Variants in PARD3B observed in about 807,000 individuals in gnomAD.
The protein encoded by PARD3B is partitioning defective 3 homolog B.
A neutral mutation model predicts 130.2 loss-of-function variants in PARD3B; 103 were observed. The observed-to-expected ratio is 0.79, with a 90% confidence interval of 0.67 to 0.93. The LOEUF (loss-of-function observed/expected upper bound fraction) is 0.93, where lower values mean the gene tolerates loss of function less well. Ranked by LOEUF, PARD3B falls within the 40% of genes least tolerant of loss-of-function variation. The probability of loss-of-function intolerance (pLI) is 0.00; values close to 1 mark genes in which losing one functional copy is unlikely to be tolerated. For missense variants in PARD3B, 1,609 were observed against 1,499.2 expected (o/e 1.07, Z -1.21); for synonymous variants, 583 against 553.2 (o/e 1.05, Z -0.76).
chr2:204,645,454 A>G (rs1431633217), intron 1 of PARD3B, among the ~76,000 whole-genome samples: 1 of 152,160 alleles, frequency 6.6e-6, no homozygotes, highest in Non-Finnish European at 1.5e-5. Context: ...ATGTGAAGAA[A>G]AAAATTTTGT....
At chr2:204,905,379 C>A (rs1049795847) in intron 2 of PARD3B, among the ~76,000 whole-genome samples, 1 of 152,160 alleles carries the variant, frequency 6.6e-6, no homozygotes, top group Non-Finnish European at 1.5e-5. Context: ...CACCCCTTCC[C>A]TGGTCTCCAG....
chr2:205,610,819 C>A, intron 22 of PARD3B, among the ~76,000 whole-genome samples: 1 of 152,134 alleles, frequency 6.6e-6, no homozygotes, highest in South Asian at 2.1e-4. Flanking sequence ...TCACCTCAAC[C>A]ACCATCAATC....
chr2:205,225,269 G>T (rs2038481057), intron 15 of PARD3B, among the ~76,000 whole-genome samples: 1 of 152,138 alleles, frequency 6.6e-6, no homozygotes, highest in African/African-American at 2.4e-5. Flanking sequence ...GCCAGCATTT[G>T]TTATTGCCTG....
intron 1 of PARD3B, among the ~76,000 whole-genome samples, chr2:204,643,326 A>G (rs1356571777): frequency 1.3e-5 from 2 of 151,764 alleles, no homozygotes; most frequent in African/African-American, 4.8e-5. Context: ...ATACAGCATA[A>G]TTACATCCTA....
At chr2:204,711,131 T>C (rs1200346334) in intron 2 of PARD3B, among the ~76,000 whole-genome samples, 1 of 152,228 alleles carries the variant, frequency 6.6e-6, no homozygotes, top group African/African-American at 2.4e-5. Context: ...CCTTTAAGAC[T>C]AAAAATTAAA....
chr2:205,117,916 T>TACACACACACACACACACATAC (rs1553617409), intron 6 of PARD3B, among the ~76,000 whole-genome samples: 64 of 20,430 alleles, frequency 3.1e-3, no homozygotes, highest in South Asian at 6.4e-3. Flanking sequence ...TGTATGTGTG[T>TACACACACACACACACACATAC]ACACACACAC....
intron 10 of PARD3B, among the ~76,000 whole-genome samples, chr2:205,132,839 T>G (rs1425197016): frequency 6.6e-6 from 1 of 152,180 alleles, no homozygotes; most frequent in Non-Finnish European, 1.5e-5. Context: ...GTGCAGCTGT[T>G]GACGCACAGT....
At chr2:204,921,583 G>T (rs1308335504) in intron 2 of PARD3B, among the ~76,000 whole-genome samples, 2 of 152,116 alleles carry the variant, frequency 1.3e-5, no homozygotes, top group Non-Finnish European at 2.9e-5. Flanking sequence ...ACAGGAGAGG[G>T]TGGTGTTTAT....
chr2:204,978,693 G>A (rs1194932099), intron 3 of PARD3B, among the ~76,000 whole-genome samples: 1 of 152,146 alleles, frequency 6.6e-6, no homozygotes, highest in Non-Finnish European at 1.5e-5. Flanking sequence ...TGTGCATGGT[G>A]TCTCATGCCT....
rs545513138 is a variant in PARD3B at position 205,595,141 on chromosome 2, C to T, written c.3261-20315C>T. ...AAGGGTATTTTCATGAAGTGCCTCG[C>T]ACAATTCAAGCCCAGTCTTCACCTC... On this transcript the variant is annotated intron_variant, in intron 22 of 22. Transcript: ENST00000406610. 4.6e-5 allele frequency among the ~76,000 whole-genome samples: 4 copies of T among 86,902 alleles called. No individual in the cohort carries two copies. In the Admixed American group the frequency reaches 5.5e-4, roughly 12 times the overall value. 57.0% of individuals were successfully genotyped at this position (86,902 alleles called of 152,430 possible). A position where few individuals can be genotyped will look rare whatever the true frequency, so the allele number is the denominator to read the frequency against.
intron 3 of PARD3B, among the ~76,000 whole-genome samples, chr2:205,013,187 C>G (rs993430788): frequency 3.3e-5 from 5 of 152,146 alleles, no homozygotes; most frequent in Admixed American, 3.3e-4. Flanking sequence ...TGAGACTTCC[C>G]CACGCAGGCA....
At chr2:204,929,623 A>AT (rs966912204) in intron 2 of PARD3B, among the ~76,000 whole-genome samples, 90 of 148,598 alleles carry the variant, frequency 6.1e-4, no homozygotes, top group Middle Eastern at 3.5e-3. Context: ...AAATTGAATA[A>AT]TTTTTTTTTT....
chr2:205,022,354 C>A (rs1036498430), intron 3 of PARD3B, among the ~76,000 whole-genome samples: 2 of 152,272 alleles, frequency 1.3e-5, no homozygotes, highest in East Asian at 3.9e-4. Context: ...AATTTTCTTA[C>A]AAATGATCTT....
At chr2:205,398,719 C>T (rs1574918948) in intron 18 of PARD3B, among the ~76,000 whole-genome samples, 2 of 152,176 alleles carry the variant, frequency 1.3e-5, no homozygotes, top group African/African-American at 2.4e-5. Flanking sequence ...AGAGCTCCGA[C>T]TTGACTAACA....
intron 2 of PARD3B, among the ~76,000 whole-genome samples, chr2:204,836,369 T>TA (rs1231397365): frequency 1.3e-5 from 2 of 152,146 alleles, no homozygotes; most frequent in African/African-American, 4.8e-5. Flanking sequence ...TTTCTAAAAG[T>TA]ACCTTTAAAT....
At chr2:205,083,152 C>T (rs1039052646) in intron 4 of PARD3B, among the ~76,000 whole-genome samples, 7 of 151,954 alleles carry the variant, frequency 4.6e-5, no homozygotes, top group Non-Finnish European at 8.8e-5. Context: ...AACTCCTGAC[C>T]TCATGATCTG....
In PARD3B at chr2:204,967,038, A is replaced by G. The variant is rs1306388815; in HGVS notation, c.394+1715A>G. 6.6e-6 allele frequency among the ~76,000 whole-genome samples: 1 copy of G among 152,174 alleles called. No homozygotes were observed. The highest frequency in any genetic ancestry group is 2.4e-5 in the African/African-American group (1 of 41,440). On this transcript the variant is annotated intron_variant, in intron 3 of 22. Transcript: ENST00000406610. The surrounding 1 kb of genome is among the most constrained non-coding windows in gnomAD (Gnocchi z 4.4). ...GTTGCTGGCTGTGGTGTGAGAAACCATTTTGCTGTGCTGCCTCTGACATGC... is the reference window on the plus strand; with the variant it reads ...GTTGCTGGCTGTGGTGTGAGAAACCGTTTTGCTGTGCTGCCTCTGACATGC...
At chr2:204,570,842 AACTGAGGTGT>A (rs2031957937) in intron 1 of PARD3B, among the ~76,000 whole-genome samples, 1 of 149,604 alleles carries the variant, frequency 6.7e-6, no homozygotes, top group Non-Finnish European at 1.5e-5. Flanking sequence ...AAGCTGTTGC[AACTGAGGTGT>A]ATAAGCTGTT....
At chr2:204,790,385 A>G (rs1273913815) in intron 2 of PARD3B, among the ~76,000 whole-genome samples, 1 of 152,234 alleles carries the variant, frequency 6.6e-6, no homozygotes, top group Non-Finnish European at 1.5e-5. Flanking sequence ...GAAGTTAGTT[A>G]ACTCACAGCT....
Sources: allele counts gnomAD v4.1 joint callset (sites outside exome capture counted in the v4.1 genomes callset), GRCh38; gene constraint gnomAD v4.1.1; non-coding constraint Gnocchi (gnomAD v3.1); transcripts MANE v1.5; gene names NCBI Gene and HGNC (gene_info 2026-07-23, HGNC 2026-07-21).